The following RALGPS1 variants were observed in gnomAD, a reference collection of about 807,000 sequenced individuals.
RALGPS1 encodes ras-specific guanine nucleotide-releasing factor RalGPS1.
RALGPS1 carries 19 observed loss-of-function variants against 78.8 expected under a neutral mutation model. The observed-to-expected ratio is 0.24, with a 90% CI of 0.17 to 0.35. The LOEUF (loss-of-function observed/expected upper bound fraction) is 0.35. Ranked by LOEUF, RALGPS1 falls within the 10% of genes least tolerant of loss-of-function variation. The probability of loss-of-function intolerance (pLI) is 1.00; values close to 1 mark genes in which losing one functional copy is unlikely to be tolerated. For missense variants in RALGPS1, 454 were observed against 688.3 expected, an observed-to-expected ratio of 0.66 and a Z score of 3.81; for synonymous variants, 228 against 256.3, an observed-to-expected ratio of 0.89 and a Z score of 1.06.
chr9:126,955,457 TA>T lies in RALGPS1; in HGVS notation c.-65-6766del, dbSNP rs1396800423. Among the ~76,000 whole-genome samples the T allele has an allele frequency of 2.0e-5, 3 of 152,328 alleles. No individual in the cohort carries two copies. In the East Asian group the frequency reaches 5.8e-4, roughly 29 times the overall value. On this transcript the variant is annotated intron_variant, in intron 1 of 18. Transcript: ENST00000259351. The stretch of plus-strand genomic sequence containing the variant: ...AAATCTCAGATATTTTCATGTCACA[TA>T]ACATTCGTGGGCAACTCAGAATATC...
intron 8 of RALGPS1, among the ~76,000 whole-genome samples, chr9:127,158,013 T>G (rs2058801426): frequency 6.6e-6 from 1 of 152,136 alleles, no homozygotes; most frequent in Non-Finnish European, 1.5e-5. Context: ...TTTGATAATA[T>G]TTTATTTGGA....
intron 14 of RALGPS1, chr9:127,210,439 G>A: frequency 1.9e-6 from 1 of 538,224 alleles, no homozygotes. Flanking sequence ...CTGGAAAAAG[G>A]GTGAACACTC....
intron 10 of RALGPS1, among the ~76,000 whole-genome samples, chr9:127,172,735 C>G (rs1380635634): frequency 6.6e-6 from 1 of 152,072 alleles, no homozygotes; most frequent in Non-Finnish European, 1.5e-5. Context: ...TCTTCTCATT[C>G]CTTTGTTTTA....
chr9:126,985,075 A>G (rs770633221), intron 4 of RALGPS1, among the ~76,000 whole-genome samples: 3 of 152,104 alleles, frequency 2.0e-5, no homozygotes, highest in Admixed American at 6.5e-5. Flanking sequence ...TCCCCACCCT[A>G]TTGACTTTGG....
At chr9:126,995,101 G>A (rs1255091022) in intron 4 of RALGPS1, among the ~76,000 whole-genome samples, 1 of 152,110 alleles carries the variant, frequency 6.6e-6, no homozygotes, top group East Asian at 1.9e-4. Flanking sequence ...GACCATCAAG[G>A]CTAGGAAGAA....
intron 8 of RALGPS1, among the ~76,000 whole-genome samples, chr9:127,080,316 T>G (rs2136119997): frequency 6.6e-6 from 1 of 152,318 alleles, no homozygotes; most frequent in East Asian, 1.9e-4. Flanking sequence ...AAAACTTAAA[T>G]ATTACAAAAG....
intron 4 of RALGPS1, among the ~76,000 whole-genome samples, chr9:127,004,129 C>T (rs1433580008): frequency 1.3e-5 from 2 of 151,896 alleles, no homozygotes; most frequent in Non-Finnish European, 2.9e-5. Context: ...TCTTCTTTTC[C>T]TTTCCTTCCC....
intron 17 of RALGPS1, chr9:127,214,036 A>T (rs573768780): frequency 6.6e-6 from 1 of 152,228 alleles, no homozygotes; most frequent in Non-Finnish European, 1.5e-5. Context: ...CATTTGTTGC[A>T]CACATGTGGC....
chr9:126,999,487 T>G (rs906997117), intron 4 of RALGPS1, among the ~76,000 whole-genome samples: 1 of 152,226 alleles, frequency 6.6e-6, no homozygotes, highest in Admixed American at 6.5e-5. Flanking sequence ...TATTCATCTC[T>G]TCTTCTCTCT....
rs953690475 is a variant in RALGPS1 at position 127,211,308 on chromosome 9, G to C, written c.1248-823G>C. ...GAGGGGGAGGGTGGAGGCACTGGCC[G>C]GTGTGGACCCAGGAAGGCCCGTGGA... On this transcript the variant is annotated intron_variant, in intron 14 of 18. Transcript: ENST00000259351. This position sits in a 1 kb window ranked among gnomAD's most constrained non-coding sequence, Gnocchi z 5.0. Among the ~76,000 whole-genome samples, 2 of 152,174 alleles carry C rather than the reference G, an allele frequency of 1.3e-5. No homozygotes were observed. Among genetic ancestry groups the C allele is most frequent in the Non-Finnish European group, 2.9e-5 (2 of 68,022 alleles).
At chr9:127,135,165 C>A (rs778662506) in intron 8 of RALGPS1, among the ~76,000 whole-genome samples, 1 of 152,198 alleles carries the variant, frequency 6.6e-6, no homozygotes, top group East Asian at 1.9e-4. Flanking sequence ...GAGATTGACA[C>A]GTAGCCCCTG....
intron 11 of RALGPS1, among the ~76,000 whole-genome samples, chr9:127,194,870 G>C (rs1564768378): frequency 6.6e-6 from 1 of 152,186 alleles, no homozygotes; most frequent in Non-Finnish European, 1.5e-5. Flanking sequence ...CCTGAGAGTT[G>C]GTTGTCAGCC....
intron 8 of RALGPS1, among the ~76,000 whole-genome samples, chr9:127,136,932 G>A (rs1243129681): frequency 6.6e-6 from 1 of 152,140 alleles, no homozygotes; most frequent in East Asian, 1.9e-4. Context: ...CTCAAGACAT[G>A]GGAACCGGTA....
At chr9:126,944,214 G>A (rs1385332152) in intron 1 of RALGPS1, among the ~76,000 whole-genome samples, 1 of 152,234 alleles carries the variant, frequency 6.6e-6, no homozygotes, top group East Asian at 1.9e-4. Flanking sequence ...AGAGGCCCTA[G>A]TTCACCACAC....
intron 8 of RALGPS1, among the ~76,000 whole-genome samples, chr9:127,123,751 G>A (rs1005314112): frequency 1.3e-5 from 2 of 152,124 alleles, no homozygotes; most frequent in African/African-American, 2.4e-5. Flanking sequence ...CTCCAGACAC[G>A]TCAGCACTGG....
chr9:127,169,084 G>C (rs879628397), intron 10 of RALGPS1, among the ~76,000 whole-genome samples: 1 of 152,226 alleles, frequency 6.6e-6, no homozygotes, highest in East Asian at 1.9e-4. Context: ...CCCACATGGC[G>C]TGGATAATAT....
intron 9 of RALGPS1, among the ~76,000 whole-genome samples, chr9:127,168,001 C>T (rs142446713): frequency 1.3e-5 from 2 of 152,374 alleles, no homozygotes; most frequent in East Asian, 1.9e-4. Flanking sequence ...CTCAGCAATG[C>T]GACCTGTGCA....
intron 7 of RALGPS1, among the ~76,000 whole-genome samples, chr9:127,068,374 G>A (rs2049895913): frequency 6.6e-6 from 1 of 152,162 alleles, no homozygotes; most frequent in Admixed American, 6.5e-5. Flanking sequence ...TGGATGCAGG[G>A]AAAGAGACCT....
intron 3 of RALGPS1, among the ~76,000 whole-genome samples, chr9:126,971,047 AAGG>A (rs1485424426): frequency 6.6e-6 from 1 of 152,210 alleles, no homozygotes; most frequent in Non-Finnish European, 1.5e-5. Flanking sequence ...ATTGAACTAG[AAGG>A]AACACAGGAA....
Sources: allele counts gnomAD v4.1 joint callset (sites outside exome capture counted in the v4.1 genomes callset), GRCh38; gene constraint gnomAD v4.1.1; non-coding constraint Gnocchi (gnomAD v3.1); transcripts MANE v1.5; gene names NCBI Gene and HGNC (gene_info 2026-07-23, HGNC 2026-07-21).